ADGRB3: variants seen among roughly 807,000 people sequenced by gnomAD.
ADGRB3 encodes the protein brain-specific angiogenesis inhibitor 3.
Under a neutral mutation model 193.4 loss-of-function variants are expected in ADGRB3, and 37 were observed. That is an observed-to-expected ratio of 0.19 (90% CI 0.15 to 0.25). The LOEUF is 0.25. Among genes scored for constraint, ADGRB3 ranks in the 10% least tolerant of loss-of-function variants. ADGRB3 has a pLI of 1.00. For synonymous variants in ADGRB3, 690 were observed against 644.2 expected (o/e 1.07, Z -1.08); for missense variants, 1,637 against 1,852.9 (o/e 0.88, Z 2.14).
At chr6:68,940,325 T>G (rs1767599354) in intron 5 of ADGRB3, among the ~76,000 whole-genome samples, 1 of 151,952 alleles carries the variant, frequency 6.6e-6, no homozygotes, top group South Asian at 2.1e-4. Context: ...GGGGAGTCCA[T>G]CCTGTGTATT....
intron 3 of ADGRB3, among the ~76,000 whole-genome samples, chr6:68,701,463 A>G (rs1765241304): frequency 6.6e-6 from 1 of 152,150 alleles, no homozygotes; most frequent in African/African-American, 2.4e-5. Flanking sequence ...GGCTGTCACT[A>G]CCAATTGATC....
intron 17 of ADGRB3, among the ~76,000 whole-genome samples, chr6:69,151,127 T>G (rs938227097): frequency 6.6e-6 from 1 of 152,194 alleles, no homozygotes; most frequent in Non-Finnish European, 1.5e-5. Context: ...CTCACCAGGT[T>G]GCATGCCCCA....
chr6:68,848,525 C>T (rs1038681294), intron 3 of ADGRB3, among the ~76,000 whole-genome samples: 3 of 152,022 alleles, frequency 2.0e-5, no homozygotes, highest in Non-Finnish European at 4.4e-5. Context: ...CTGCATTAAT[C>T]TAACAAACTA....
chr6:69,060,867 C>A (rs653895), intron 15 of ADGRB3, among the ~76,000 whole-genome samples: 62,969 of 151,728 alleles, frequency 0.42, 14,942 homozygotes, highest in East Asian at 0.96. Context: ...CTCTGGGAGG[C>A]CTGCCAGCTG....
intron 20 of ADGRB3, among the ~76,000 whole-genome samples, chr6:69,281,546 G>T (rs1459685530): frequency 2.0e-5 from 3 of 152,132 alleles, no homozygotes; most frequent in Non-Finnish European, 4.4e-5. Flanking sequence ...CCTGGCTCTG[G>T]TGGATCAGGA....
At chr6:68,691,695 G>A (rs1038659329) in intron 3 of ADGRB3, among the ~76,000 whole-genome samples, 2 of 151,660 alleles carry the variant, frequency 1.3e-5, no homozygotes, top group East Asian at 1.9e-4. Flanking sequence ...GTACATATGA[G>A]CATCAGGTCA....
chr6:69,282,846 A>C (rs956145414), intron 20 of ADGRB3, among the ~76,000 whole-genome samples: 4 of 152,224 alleles, frequency 2.6e-5, no homozygotes, highest in African/African-American at 9.6e-5. Flanking sequence ...CTTAAAATAT[A>C]GAAAGACAGT....
intron 12 of ADGRB3, among the ~76,000 whole-genome samples, chr6:69,015,456 G>GA (rs1432948575): frequency 6.6e-6 from 1 of 151,890 alleles, no homozygotes; most frequent in East Asian, 1.9e-4. Flanking sequence ...ATTTGAAGCT[G>GA]AAAAAACAAA....
intron 3 of ADGRB3, among the ~76,000 whole-genome samples, chr6:68,827,374 T>A (rs1456137506): frequency 1.3e-5 from 2 of 152,044 alleles, no homozygotes; most frequent in East Asian, 3.9e-4. Flanking sequence ...AAGTGATTTT[T>A]TAAAAAAATA....
intron 3 of ADGRB3, among the ~76,000 whole-genome samples, chr6:68,836,470 A>C (rs1768048110): frequency 6.6e-6 from 1 of 152,204 alleles, no homozygotes; most frequent in South Asian, 2.1e-4. Context: ...CTTGTTGGTT[A>C]GTTTCAGAAA....
At chr6:68,991,528 G>A (rs185939430) in intron 10 of ADGRB3, among the ~76,000 whole-genome samples, 13 of 151,514 alleles carry the variant, frequency 8.6e-5, no homozygotes, top group Admixed American at 7.9e-4. Context: ...GTGAATGCTT[G>A]TGGAAAGACT....
At chr6:69,207,699 C>T (rs535089186) in intron 17 of ADGRB3, among the ~76,000 whole-genome samples, 1 of 152,188 alleles carries the variant, frequency 6.6e-6, no homozygotes, top group South Asian at 2.1e-4. Context: ...GGCCATTCCC[C>T]TTTTCTATCT....
At chr6:69,370,092 G>C (rs1027683384) in intron 29 of ADGRB3, among the ~76,000 whole-genome samples, 3 of 152,146 alleles carry the variant, frequency 2.0e-5, no homozygotes, top group Non-Finnish European at 4.4e-5. Flanking sequence ...GTAGTCAGAA[G>C]TCCTGAGTTT....
chr6:68,839,992 C>A (rs1768119628), intron 3 of ADGRB3, among the ~76,000 whole-genome samples: 1 of 152,112 alleles, frequency 6.6e-6, no homozygotes, highest in African/African-American at 2.4e-5. Context: ...TTGGCAGGTG[C>A]CCATAGAAGC....
At chr6:68,895,187 C>A (rs1766185340) in intron 3 of ADGRB3, among the ~76,000 whole-genome samples, 1 of 150,610 alleles carries the variant, frequency 6.6e-6, no homozygotes, top group Non-Finnish European at 1.5e-5. Context: ...CAATATTGTA[C>A]TGGTTTCATA....
chr6:68,780,503 A>G (rs1468097939), intron 3 of ADGRB3, among the ~76,000 whole-genome samples: 1 of 152,078 alleles, frequency 6.6e-6, no homozygotes, highest in Non-Finnish European at 1.5e-5. Context: ...AAATATTACA[A>G]TCAATCCAAT....
intron 8 of ADGRB3, among the ~76,000 whole-genome samples, chr6:68,972,319 TGTCC>T (rs1045695595): frequency 6.6e-6 from 1 of 152,194 alleles, no homozygotes; most frequent in Non-Finnish European, 1.5e-5. Context: ...CCAGTTCTTG[TGTCC>T]TGGGAAAGGG....
rs1227844996 is a variant in ADGRB3 at position 68,805,559 on chromosome 6, T to A, written c.758-125000T>A. Among the ~76,000 whole-genome samples the A allele has an allele frequency of 3.3e-5, 5 of 152,200 alleles. No homozygotes were observed. The East Asian group carries it at 9.6e-4, about 29-fold the overall frequency. The stretch of plus-strand genomic sequence containing the variant: ...CTCTCAAAGGAAATTCTGGTATTCT[T>A]CTGATCCACTTAAGGCTTTTGAGAC... On this transcript the variant is annotated intron_variant, in intron 3 of 31. Transcript: ENST00000370598.
At chr6:69,257,817 G>C (rs1766814835) in intron 20 of ADGRB3, among the ~76,000 whole-genome samples, 1 of 152,120 alleles carries the variant, frequency 6.6e-6, no homozygotes, top group East Asian at 1.9e-4. Flanking sequence ...AATTTCTTTT[G>C]GTGATAATAG....
Sources: allele counts gnomAD v4.1 joint callset (sites outside exome capture counted in the v4.1 genomes callset), GRCh38; gene constraint gnomAD v4.1.1; transcripts MANE v1.5; gene names NCBI Gene and HGNC (gene_info 2026-07-23, HGNC 2026-07-21).